SNX18: variants seen among roughly 807,000 people sequenced by gnomAD.
The protein encoded by SNX18 is sorting nexin 18, also known as sorting nexin-18.
SNX18 carries 35 observed loss-of-function variants against 48.7 expected under a neutral mutation model. The observed-to-expected ratio is 0.72, with a 90% CI of 0.55 to 0.95. The LOEUF is 0.95. Ranked by LOEUF, SNX18 falls within the 40% of genes least tolerant of loss-of-function variation. The probability of loss-of-function intolerance (pLI) is 0.00; values close to 1 mark genes in which losing one functional copy is unlikely to be tolerated. For synonymous variants in SNX18, 492 were observed against 384.7 expected (o/e 1.28, Z -3.26); for missense variants, 824 against 871.0 (o/e 0.95, Z 0.68).
At chr5:54,642,178 T>G in the SNX18 span, among the ~76,000 whole-genome samples, 1 of 152,160 alleles carries the variant, frequency 6.6e-6, no homozygotes, top group East Asian at 1.9e-4. Flanking sequence ...AACTTTTTTG[T>G]CCTTGGTCGG....
At chr5:54,566,136 T>G in the SNX18 span, among the ~76,000 whole-genome samples, 2 of 152,144 alleles carry the variant, frequency 1.3e-5, no homozygotes, top group Non-Finnish European at 2.9e-5. Flanking sequence ...AAATAAATAA[T>G]AGCCACAGAG....
chr5:54,646,871 CT>C, the SNX18 span, among the ~76,000 whole-genome samples: 1 of 152,212 alleles, frequency 6.6e-6, no homozygotes, highest in Non-Finnish European at 1.5e-5. Context: ...GAAACCACGA[CT>C]TGTTTTCAAC....
chr5:54,618,312 T>C, the SNX18 span, among the ~76,000 whole-genome samples: 1 of 152,248 alleles, frequency 6.6e-6, no homozygotes, highest in Non-Finnish European at 1.5e-5. Context: ...CTTTTACAAA[T>C]GACCCAGGCT....
chr5:54,518,845 A>G lies in SNX18; in HGVS notation c.893A>G (p.Tyr298Cys). Residue 298 changes from tyrosine (Y) to cysteine (C), a missense_variant, in exon 1 of 2, where the codon TAC (tyrosine) becomes TGC (cysteine). By Grantham distance (194) the Tyr-to-Cys change is radical (BLOSUM62 -2). This residue lies in a region of SNX18 where 443 missense variants were observed against 503.6 expected (regional missense o/e 0.88). Coordinates refer to ENST00000381410, the MANE Select transcript of SNX18 (RefSeq NM_001102575.2). ...AAGGGCATGAAGAGCTACATCTCCT[A>G]CAAGCTGGTGCCCACGCACACGCAG... Reference protein sequence around the residue: ...KFKGMKSYISYKLVPTHTQVP... With the variant: ...KFKGMKSYISCKLVPTHTQVP... 6.2e-7 allele frequency: 1 copy of G among 1,612,018 alleles called. No homozygotes were observed. Among genetic ancestry groups the G allele is most frequent in the Non-Finnish European group, 8.5e-7 (1 of 1,178,790 alleles).
At chr5:54,532,286 T>G (rs890471770) in intron 1 of SNX18, among the ~76,000 whole-genome samples, 2 of 151,752 alleles carry the variant, frequency 1.3e-5, no homozygotes, top group Admixed American at 6.6e-5. Context: ...TGTTGGCAGC[T>G]TGCAAACATA....
chr5:54,563,556 T>C, the SNX18 span, among the ~76,000 whole-genome samples: 1 of 152,222 alleles, frequency 6.6e-6, no homozygotes, highest in Non-Finnish European at 1.5e-5. Flanking sequence ...CACGCTGTGA[T>C]GGTCACACAA....
the SNX18 span, among the ~76,000 whole-genome samples, chr5:54,557,163 A>C: frequency 0.31 from 47,857 of 152,156 alleles, 7,768 homozygotes; most frequent in Middle Eastern, 0.39. Flanking sequence ...TACACCGATT[A>C]ACTTAATAAT....
rs1762568823 is a variant in SNX18 at position 54,545,847 on chromosome 5, A to G, written c.*2415A>G. 6.6e-6 allele frequency: 1 copy of G among 152,256 alleles called. No individual in the cohort carries two copies. The highest frequency in any genetic ancestry group is 6.5e-5 in the Admixed American group (1 of 15,282). The allele number at this position is 152,256 out of a possible 1,614,324, so 9.4% of individuals were successfully genotyped here. A position where few individuals can be genotyped will look rare whatever the true frequency, so the allele number is the denominator to read the frequency against. ...GATCAGTGTGGTACAATTTTTAAAAATAAACTATCATGCCCTTCATGCCAT... is the reference window on the plus strand; with the variant it reads ...GATCAGTGTGGTACAATTTTTAAAAGTAAACTATCATGCCCTTCATGCCAT... On this transcript the variant is annotated 3_prime_UTR_variant, in exon 2 of 2. Transcript: ENST00000381410.
At position 54,519,291 on chromosome 5, in the gene SNX18, C is replaced by A. The variant is rs759011378; in HGVS notation, c.1339C>A (p.His447Asn). 5 of 1,614,116 alleles carry A rather than the reference C, an allele frequency of 3.1e-6. No individual in the cohort carries two copies. The highest frequency in any genetic ancestry group is 4.2e-6 in the Non-Finnish European group (5 of 1,180,016). ...KMDDSALQLN[H>N]TANEFARKQV... ...GGACGACAGCGCGCTGCAGCTCAAC[C>A]ACACGGCCAACGAGTTCGCGCGCAA... Residue 447 changes from histidine to asparagine, a missense_variant, in exon 1 of 2, where the codon CAC becomes AAC. Transcript: ENST00000381410.
the SNX18 span, among the ~76,000 whole-genome samples, chr5:54,569,825 T>C: frequency 1.3e-5 from 2 of 152,162 alleles, no homozygotes; most frequent in African/African-American, 4.8e-5. Flanking sequence ...CTTCTCTTAC[T>C]ACATTGGTCC....
the SNX18 span, among the ~76,000 whole-genome samples, chr5:54,596,560 C>T: frequency 6.6e-6 from 1 of 152,172 alleles, no homozygotes; most frequent in Non-Finnish European, 1.5e-5. Flanking sequence ...AGTTCATACT[C>T]ATTGCTAGCT....
chr5:54,533,927 T>C (rs1736531614), intron 1 of SNX18, among the ~76,000 whole-genome samples: 1 of 151,978 alleles, frequency 6.6e-6, no homozygotes, highest in South Asian at 2.1e-4. Context: ...AAGAAGTTAA[T>C]GGGGAGTTAG....
At chr5:54,589,118 G>C in the SNX18 span, among the ~76,000 whole-genome samples, 1 of 152,174 alleles carries the variant, frequency 6.6e-6, no homozygotes, top group Non-Finnish European at 1.5e-5. Flanking sequence ...AGTTTAACCT[G>C]AAAGTTGCAC....
At chr5:54,570,291 C>G in the SNX18 span, among the ~76,000 whole-genome samples, 2 of 151,966 alleles carry the variant, frequency 1.3e-5, no homozygotes, top group African/African-American at 4.8e-5. Context: ...TCCCTTAGAG[C>G]CTTCAGAGGA....
chr5:54,640,755 G>A, the SNX18 span, among the ~76,000 whole-genome samples: 1 of 151,908 alleles, frequency 6.6e-6, no homozygotes, highest in African/African-American at 2.4e-5. Context: ...ATCCATATCA[G>A]GTTGATAAAA....
At chr5:54,624,762 T>C in the SNX18 span, among the ~76,000 whole-genome samples, 3 of 152,192 alleles carry the variant, frequency 2.0e-5, no homozygotes, top group East Asian at 5.8e-4. Context: ...AATATAATGA[T>C]GGAAGCTAGG....
At chr5:54,557,217 C>T in the SNX18 span, among the ~76,000 whole-genome samples, 2 of 152,116 alleles carry the variant, frequency 1.3e-5, no homozygotes, top group Non-Finnish European at 2.9e-5. Flanking sequence ...TGTCAGGCAC[C>T]ACCTGACCTC....
At chr5:54,616,034 A>G in the SNX18 span, among the ~76,000 whole-genome samples, 31 of 152,326 alleles carry the variant, frequency 2.0e-4, no homozygotes, top group South Asian at 6.4e-3. Flanking sequence ...TGGTTGCTCA[A>G]TGCTGGCTAA....
At chr5:54,525,377 TA>T (rs113164405) in intron 1 of SNX18, among the ~76,000 whole-genome samples, 43,916 of 143,814 alleles carry the variant, frequency 0.31, 6,512 homozygotes, top group East Asian at 0.43. Flanking sequence ...CTTGTCTCTT[TA>T]AAAAAAAAAA....
Sources: allele counts gnomAD v4.1 joint callset (sites outside exome capture counted in the v4.1 genomes callset), GRCh38; gene constraint gnomAD v4.1.1; regional missense constraint gnomAD v4.1.1; transcripts MANE v1.5; gene names NCBI Gene and HGNC (gene_info 2026-07-23, HGNC 2026-07-21).